Variants in SLX4 observed in about 807,000 individuals in gnomAD.
The protein encoded by SLX4 is structure-specific endonuclease subunit SLX4.
Under a neutral mutation model 146.2 loss-of-function variants are expected in SLX4, and 112 were observed. The observed-to-expected ratio is 0.77, with a 90% CI of 0.66 to 0.90. The LOEUF is 0.90. SLX4 is among the 40% of genes least tolerant of loss of function. The pLI is 0.00. For synonymous variants in SLX4, 1,061 were observed against 997.7 expected (o/e 1.06, Z -1.20); for missense variants, 2,563 against 2,392.7 (o/e 1.07, Z -1.49).
At position 3,583,480 on chromosome 16, in the gene SLX4, C is replaced by T; in HGVS notation, c.4770G>A (p.Gln1590=). 6.2e-7 allele frequency: 1 copy of T among 1,614,204 alleles called. No individual in the cohort carries two copies. The highest frequency in any genetic ancestry group is 8.5e-7 in the Non-Finnish European group (1 of 1,180,054). ...ATATCTCCTTCAGCTTCAGAACCAT[C>T]TGGCGTTTAGGCAGAGGGCGGACTC... ...RFGVRPLPKR[Q]MVLKLKEIFQ... is the part of the protein sequence containing the mutation. Residue 1590 remains glutamine (Q), a synonymous_variant, in exon 14 of 15, where the codon CAG becomes CAA. Coordinates refer to ENST00000294008, the MANE Select transcript of SLX4 (RefSeq NM_032444.4).
At chr16:3,600,428 C>A (rs13335490) in intron 5 of SLX4, among the ~76,000 whole-genome samples, 8 of 152,016 alleles carry the variant, frequency 5.3e-5, no homozygotes, top group Admixed American at 5.2e-4. Context: ...GAAAACAGTG[C>A]GAAGATCATT....
chr16:3,590,052 CAAT>C lies in SLX4; in HGVS notation c.3583_3585del (p.Ile1195del), dbSNP rs199897550. ...GAAGGTTCCTGATCTGCATCAACAT[CAAT>C]GATGGAAAACAGCTCACAGGACCTA... On this transcript the variant is annotated inframe_deletion, in exon 12 of 15. Coordinates refer to ENST00000294008, the MANE Select transcript of SLX4 (RefSeq NM_032444.4). The surrounding 1 kb of genome is among the most constrained non-coding windows in gnomAD (Gnocchi z 4.8). The C allele has an allele frequency of 3.8e-4, 608 of 1,614,160 alleles. 8 individuals carry two copies. In the East Asian group the frequency reaches 0.013, roughly 35 times the overall value.
At chr16:3,593,292 T>C (rs1386648433) in intron 10 of SLX4, among the ~76,000 whole-genome samples, 1 of 152,164 alleles carries the variant, frequency 6.6e-6, no homozygotes, top group Non-Finnish European at 1.5e-5. Flanking sequence ...AGGCTGGTCT[T>C]GGAACTCCTG....
At chr16:3,582,953 C>A in intron 14 of SLX4, 144 bp downstream of exon 14, 1 of 1,107,066 alleles carries the variant, frequency 9.0e-7, no homozygotes, top group Non-Finnish European at 1.3e-6. Context: ...GCCCCCTAAA[C>A]CCACCTGGTT....
In SLX4 at chr16:3,597,877, C is replaced by A. The variant is rs141625470; in HGVS notation, c.1286G>T (p.Arg429Leu). The A allele has an allele frequency of 1.2e-6, 2 of 1,614,104 alleles. No homozygotes were observed. The highest frequency in any genetic ancestry group is 1.3e-5 in the African/African-American group (1 of 75,044). The change falls in exon 6 of 15, where the codon CGG (arginine) becomes CTG (leucine). Residue 429 changes from arginine (R) to leucine (L), a missense_variant. Transcript: ENST00000294008. The surrounding 1 kb of genome is among the most constrained non-coding windows in gnomAD (Gnocchi z 4.4). ...EDLLVAMALSRSEMEPGAAVP... is the reference protein window; with the variant it reads ...EDLLVAMALSLSEMEPGAAVP... Reference sequence around the variant, plus strand: ...AGCCGCACCCGGCTCCATCTCCGACCGGGACAGAGCCATGGCCACCAGCAG... The same window carrying A: ...AGCCGCACCCGGCTCCATCTCCGACAGGGACAGAGCCATGGCCACCAGCAG...
Position 3,591,222 on chromosome 16 carries a change from C to G in SLX4, c.2416G>C (p.Glu806Gln), listed in dbSNP as rs763974942. The part of the protein sequence containing the change: ...EGKPWEEKEA[E>Q]NCESRAENFQ... ...TTCTCGGCCCTGCTTTCGCAATTCTCTGCTTCCTTCTCCTCCCATGGTTTG... is the reference window on the plus strand; with the variant it reads ...TTCTCGGCCCTGCTTTCGCAATTCTGTGCTTCCTTCTCCTCCCATGGTTTG... Residue 806 changes from glutamate (E) to glutamine (Q), a missense_variant, in exon 12 of 15, where the codon GAG becomes CAG. Glu to Gln is a conservative substitution (Grantham distance 29). Transcript: ENST00000294008. 2.5e-6 allele frequency: 4 copies of G among 1,613,750 alleles called. No homozygotes were observed. Among genetic ancestry groups the G allele is most frequent in the Non-Finnish European group, 3.4e-6 (4 of 1,180,038 alleles).
At chr16:3,594,151 G>A (rs895427621) in intron 10 of SLX4, among the ~76,000 whole-genome samples, 1 of 152,180 alleles carries the variant, frequency 6.6e-6, no homozygotes, top group Non-Finnish European at 1.5e-5. Flanking sequence ...ACAGGCGTGA[G>A]CCACCGCGCC....
Position 3,589,378 on chromosome 16 carries a change from T to TG in SLX4, c.4259dup (p.Ile1421AsnfsTer4), listed in dbSNP as rs781663547. 19 of 1,590,664 alleles carry TG rather than the reference T, an allele frequency of 1.2e-5. No individual in the cohort carries two copies. Among genetic ancestry groups the TG allele is most frequent in the Admixed American group, 1.7e-5 (1 of 58,392 alleles). Reference sequence around the variant, plus strand: ...GCCAGCAGCAGTCGTCAATTGGAATTGGGGGGTCACTGTCCAGTGGGGGGC... The same window carrying TG: ...GCCAGCAGCAGTCGTCAATTGGAATTGGGGGGGTCACTGTCCAGTGGGGGGC... On this transcript the variant is annotated frameshift_variant, in exon 12 of 15. Coordinates refer to ENST00000294008, the MANE Select transcript of SLX4 (RefSeq NM_032444.4). LOFTEE classifies it high-confidence loss of function. This position sits in a 1 kb window ranked among gnomAD's most constrained non-coding sequence, Gnocchi z 6.2.
Position 3,609,147 on chromosome 16 carries a change from T to A in SLX4, c.-183A>T. 1 of 644,752 alleles carries A rather than the reference T, an allele frequency of 1.6e-6. No homozygotes were observed. The highest frequency in any genetic ancestry group is 2.6e-6 in the Non-Finnish European group (1 of 381,566). The allele number at this position is 644,752 out of a possible 1,614,324, so 39.9% of individuals were successfully genotyped here. A position where few individuals can be genotyped will look rare whatever the true frequency, so the allele number is the denominator to read the frequency against. On this transcript the variant is annotated 5_prime_UTR_variant, in exon 2 of 15. Coordinates refer to ENST00000294008, the MANE Select transcript of SLX4 (RefSeq NM_032444.4). ...GGCCGGGCGCGGTGGCTCACACTTGTAATCCCAGCTCTTTTGGAGGACGAG... is the reference window on the plus strand; with the variant it reads ...GGCCGGGCGCGGTGGCTCACACTTGAAATCCCAGCTCTTTTGGAGGACGAG...
chr16:3,584,258 TA>T (rs931971874), intron 13 of SLX4, among the ~76,000 whole-genome samples: 10 of 151,898 alleles, frequency 6.6e-5, no homozygotes, highest in African/African-American at 2.4e-4. Context: ...CCGTCTCTAC[TA>T]AAAATACAAC....
rs886051972 is a variant in SLX4, at chr16:3,581,192, C to G, written c.*1150G>C. The G allele has an allele frequency of 6.6e-6, 1 of 152,630 alleles. No individual in the cohort carries two copies. The highest frequency in any genetic ancestry group is 1.5e-5 in the Non-Finnish European group (1 of 68,044). The allele number at this position is 152,630 out of a possible 1,614,324, so 9.5% of individuals were successfully genotyped here. ...GTGTGGCAGCCAGATTTTAATAAAG[C>G]CTTTTTGGTTTATTGCACATCATAT... On this transcript the variant is annotated 3_prime_UTR_variant, in exon 15 of 15. Transcript: ENST00000294008.
intron 5 of SLX4, among the ~76,000 whole-genome samples, chr16:3,599,305 T>C (rs544342581): frequency 4.6e-5 from 7 of 152,302 alleles, no homozygotes; most frequent in African/African-American, 1.7e-4. Context: ...AGCTATCGCC[T>C]TTGGCCTTCC....
rs1381372168 is a variant in SLX4, at chr16:3,582,098, G to A, written c.*244C>T. On this transcript the variant is annotated 3_prime_UTR_variant, in exon 15 of 15. Coordinates refer to ENST00000294008, the MANE Select transcript of SLX4 (RefSeq NM_032444.4). ...AGACACACTGTGAGCACGGACAGAG[G>A]AAGGGGCTGGAGTCTGTAAATCCAG... The A allele has an allele frequency of 1.7e-6, 1 of 584,596 alleles. No individual in the cohort carries two copies. The highest frequency in any genetic ancestry group is 3.0e-6 in the Non-Finnish European group (1 of 328,120). 36.2% of individuals were successfully genotyped at this position (584,596 alleles called of 1,614,324 possible). A position where few individuals can be genotyped will look rare whatever the true frequency, so the allele number is the denominator to read the frequency against.
chr16:3,597,227 C>G lies in SLX4; in HGVS notation c.1683+152G>C. ...TGTAGTTGCTGGACAGAGAAGAAAG[C>G]TGCAGCCACCAAGTGCCCCTCTGGC... On this transcript the variant is annotated intron_variant, in intron 7 of 14. Coordinates refer to ENST00000294008, the MANE Select transcript of SLX4 (RefSeq NM_032444.4). The surrounding 1 kb of genome is among the most constrained non-coding windows in gnomAD (Gnocchi z 4.4). 1 of 825,818 alleles carries G rather than the reference C, an allele frequency of 1.2e-6. No individual in the cohort carries two copies. Among genetic ancestry groups the G allele is most frequent in the Non-Finnish European group, 1.8e-6 (1 of 542,758 alleles). The allele number at this position is 825,818 out of a possible 1,614,324, so 51.2% of individuals were successfully genotyped here.
chr16:3,582,298 G>A lies in SLX4; in HGVS notation c.*44C>T, dbSNP rs770303632. Reference sequence around the variant, plus strand: ...GGTCCTCCCTGCAAATGGCGGGGGTGGGGGCTGCTGATGGCAGGTTGGGGT... The same window carrying A: ...GGTCCTCCCTGCAAATGGCGGGGGTAGGGGCTGCTGATGGCAGGTTGGGGT... On this transcript the variant is annotated 3_prime_UTR_variant, in exon 15 of 15. Coordinates refer to ENST00000294008, the MANE Select transcript of SLX4 (RefSeq NM_032444.4). The A allele has an allele frequency of 2.6e-5, 41 of 1,555,452 alleles. No individual in the cohort carries two copies. The highest frequency in any genetic ancestry group is 3.5e-5 in the Non-Finnish European group (40 of 1,143,434).
chr16:3,595,004 A>G (rs1414907180), intron 9 of SLX4, among the ~76,000 whole-genome samples: 14 of 152,194 alleles, frequency 9.2e-5, no homozygotes, highest in Admixed American at 6.5e-4. Flanking sequence ...GACCTGGCCA[A>G]GAGGACAGCC....
At chr16:3,594,364 C>T in intron 10 of SLX4, 89 bp downstream of exon 10, 2 of 1,538,104 alleles carry the variant, frequency 1.3e-6, no homozygotes, top group African/African-American at 2.7e-5. Context: ...GGAAAGGGCA[C>T]CTGAGACATG....
chr16:3,591,379 TG>T, intron 11 of SLX4, 69 bp from the exon 12 acceptor site: 1 of 1,593,560 alleles, frequency 6.3e-7, no homozygotes, highest in Non-Finnish European at 8.5e-7. Context: ...CCCGGTGGGG[TG>T]GCGGACCAGA....
At chr16:3,600,071 A>T (rs376719879) in intron 5 of SLX4, among the ~76,000 whole-genome samples, 1 of 152,230 alleles carries the variant, frequency 6.6e-6, no homozygotes, top group East Asian at 1.9e-4. Flanking sequence ...TTCATGGAAG[A>T]CAATTTTTCC....
Sources: allele counts gnomAD v4.1 joint callset (sites outside exome capture counted in the v4.1 genomes callset), GRCh38; gene constraint gnomAD v4.1.1; non-coding constraint Gnocchi (gnomAD v3.1); transcripts MANE v1.5; gene names NCBI Gene and HGNC (gene_info 2026-07-23, HGNC 2026-07-21).